TENM2: variants seen among roughly 807,000 people sequenced by gnomAD.
TENM2 encodes teneurin-2.
Under a neutral mutation model 245.2 loss-of-function variants are expected in TENM2, and 52 were observed. That is an observed-to-expected ratio of 0.21 (90% CI 0.17 to 0.27). The LOEUF (loss-of-function observed/expected upper bound fraction) is 0.27. TENM2 is among the 10% of genes least tolerant of loss of function. TENM2 has a pLI of 1.00. For missense variants in TENM2, 3,046 were observed against 3,666.8 expected, an observed-to-expected ratio of 0.83 and a Z score of 4.37; for synonymous variants, 1,363 against 1,438.9, an observed-to-expected ratio of 0.95 and a Z score of 1.19.
the TENM2 span, among the ~76,000 whole-genome samples, chr5:167,248,602 AG>A: frequency 6.6e-6 from 1 of 152,208 alleles, no homozygotes; most frequent in Non-Finnish European, 1.5e-5. Flanking sequence ...CGTGAATATC[AG>A]GGTCCATAAG....
chr5:166,990,122 T>C, the TENM2 span, among the ~76,000 whole-genome samples: 3 of 152,132 alleles, frequency 2.0e-5, no homozygotes, highest in Admixed American at 6.6e-5. Context: ...AATAATAATG[T>C]GGGACTTGAA....
chr5:167,175,303 T>G, the TENM2 span, among the ~76,000 whole-genome samples: 1 of 152,252 alleles, frequency 6.6e-6, no homozygotes, highest in Non-Finnish European at 1.5e-5. Flanking sequence ...GATGTTATAT[T>G]GATTAGAAAG....
At chr5:167,029,055 T>C in the TENM2 span, among the ~76,000 whole-genome samples, 1 of 152,200 alleles carries the variant, frequency 6.6e-6, no homozygotes, top group African/African-American at 2.4e-5. Context: ...ACATGAAAAA[T>C]TGTAACTCAG....
intron 13 of TENM2, chr5:168,187,854 C>T (rs1048762056): frequency 6.6e-5 from 10 of 151,976 alleles, no homozygotes; most frequent in Admixed American, 2.0e-4. Flanking sequence ...GGGGAGTATC[C>T]GATTCAGCCA....
At chr5:167,728,365 G>A (rs1442374639) in intron 2 of TENM2, among the ~76,000 whole-genome samples, 6 of 152,188 alleles carry the variant, frequency 3.9e-5, no homozygotes, top group Admixed American at 1.3e-4. Context: ...CACTTTGGGC[G>A]TCTGAGGTGA....
chr5:167,644,224 A>T (rs1401489793), intron 2 of TENM2, among the ~76,000 whole-genome samples: 1 of 152,222 alleles, frequency 6.6e-6, no homozygotes, highest in Non-Finnish European at 1.5e-5. Context: ...GGTCCTATAA[A>T]GTTTATTAAC....
intron 2 of TENM2, among the ~76,000 whole-genome samples, chr5:167,723,926 C>T (rs939330962): frequency 3.9e-5 from 6 of 152,178 alleles, no homozygotes; most frequent in Non-Finnish European, 2.9e-5. Flanking sequence ...AAGATGGTGT[C>T]CCAGAAGGCT....
At position 167,886,232 on chromosome 5, in the gene TENM2, AAG is replaced by A. The variant is rs768262340; in HGVS notation, c.712+10039_712+10040del. 1.3e-3 allele frequency among the ~76,000 whole-genome samples: 192 copies of A among 152,342 alleles called. 1 individual carries two copies. Among genetic ancestry groups the A allele is most frequent in the Non-Finnish European group, 1.7e-3 (119 of 68,044 alleles). On this transcript the variant is annotated intron_variant, in intron 3 of 28. Transcript: ENST00000518659. ...AGGATACATAGTTATTAAGCAGTAC[AAG>A]AACTTGACCCAAAGAAACTGGTCTC... is the stretch of plus-strand genomic sequence containing the variant.
chr5:167,517,981 G>A (rs1770499476), intron 2 of TENM2, among the ~76,000 whole-genome samples: 1 of 152,004 alleles, frequency 6.6e-6, no homozygotes, highest in Non-Finnish European at 1.5e-5. Context: ...GAGGTCAGGA[G>A]TTCAAGACCA....
the TENM2 span, among the ~76,000 whole-genome samples, chr5:167,175,794 G>A: frequency 6.6e-6 from 1 of 152,096 alleles, no homozygotes; most frequent in African/African-American, 2.4e-5. Context: ...ACTGCAACCT[G>A]AGCCTCCTGG....
At chr5:167,685,878 A>G (rs535854060) in intron 2 of TENM2, among the ~76,000 whole-genome samples, 99 of 152,278 alleles carry the variant, frequency 6.5e-4, no homozygotes, top group Non-Finnish European at 1.1e-3. Flanking sequence ...TCAACAGTGT[A>G]TGGTTGAGTA....
At chr5:167,473,304 G>T (rs1013548397) in intron 2 of TENM2, among the ~76,000 whole-genome samples, 1 of 151,940 alleles carries the variant, frequency 6.6e-6, no homozygotes, top group African/African-American at 2.4e-5. Flanking sequence ...TAACAATACT[G>T]TTTTTTTGTC....
chr5:168,158,016 G>A (rs1037473354), intron 12 of TENM2, among the ~76,000 whole-genome samples: 8 of 152,076 alleles, frequency 5.3e-5, no homozygotes, highest in Non-Finnish European at 1.2e-4. Flanking sequence ...TCTGCCTTCC[G>A]GGTTCAAATG....
intron 2 of TENM2, among the ~76,000 whole-genome samples, chr5:167,651,837 T>G (rs1194625832): frequency 2.6e-5 from 4 of 152,160 alleles, no homozygotes; most frequent in Non-Finnish European, 5.9e-5. Flanking sequence ...ACCTATCACA[T>G]GCAATACCCC....
intron 2 of TENM2, among the ~76,000 whole-genome samples, chr5:167,859,400 C>G (rs1450673795): frequency 7.6e-6 from 1 of 131,100 alleles, no homozygotes; most frequent in African/African-American, 2.9e-5. Flanking sequence ...GCCCCCCGCC[C>G]GGCCAGCCGC....
At chr5:167,271,216 G>A in the TENM2 span, among the ~76,000 whole-genome samples, 1 of 152,072 alleles carries the variant, frequency 6.6e-6, no homozygotes, top group Non-Finnish European at 1.5e-5. Flanking sequence ...GAGTGGGGAG[G>A]GACTGTTTTT....
chr5:167,925,700 A>T (rs1777702062), intron 3 of TENM2, among the ~76,000 whole-genome samples: 1 of 152,218 alleles, frequency 6.6e-6, no homozygotes, highest in Admixed American at 6.5e-5. Flanking sequence ...ACATGGAATC[A>T]ACCTAAATGC....
At chr5:167,838,146 C>T (rs916077655) in intron 2 of TENM2, among the ~76,000 whole-genome samples, 1 of 152,194 alleles carries the variant, frequency 6.6e-6, no homozygotes, top group African/African-American at 2.4e-5. Flanking sequence ...AGTATAATGA[C>T]GAGGAATCTG....
At chr5:167,738,560 C>T (rs530551558) in intron 2 of TENM2, among the ~76,000 whole-genome samples, 34 of 152,190 alleles carry the variant, frequency 2.2e-4, no homozygotes, top group Middle Eastern at 3.4e-3. Flanking sequence ...ATGAAATAAT[C>T]GATAAATATT....
Sources: gnomAD v4.1 joint callset for allele counts (sites outside exome capture counted in the v4.1 genomes callset) on GRCh38, gnomAD v4.1.1 for gene constraint, MANE v1.5 for transcripts, NCBI Gene and HGNC (gene_info 2026-07-23, HGNC 2026-07-21) for gene names.